The following SOX6 variants were observed in gnomAD, a reference collection of about 807,000 sequenced individuals.
The protein encoded by SOX6 is SRY-box transcription factor 6.
A neutral mutation model predicts 97.8 loss-of-function variants in SOX6; 11 were observed. The observed-to-expected ratio is 0.11, with a 90% CI of 0.07 to 0.19. SOX6 has a LOEUF of 0.19. Among genes scored for constraint, SOX6 ranks in the 10% least tolerant of loss-of-function variants. The pLI is 1.00. For synonymous variants in SOX6, 360 were observed against 371.4 expected (o/e 0.97, Z 0.35); for missense variants, 810 against 1,039.5 (o/e 0.78, Z 3.04).
chr11:16,419,078 C>T (rs1269208527), intron 1 of SOX6, among the ~76,000 whole-genome samples: 1 of 152,128 alleles, frequency 6.6e-6, no homozygotes, highest in Admixed American at 6.6e-5. Flanking sequence ...AAAATTTCTG[C>T]TATTTTAATA....
At chr11:16,220,705 T>G (rs1852512901) in intron 4 of SOX6, among the ~76,000 whole-genome samples, 1 of 152,112 alleles carries the variant, frequency 6.6e-6, no homozygotes, top group Admixed American at 6.6e-5. Flanking sequence ...ATCTTGTCAG[T>G]CACTTTACAA....
Position 16,355,448 on chromosome 11 carries a change from AAAT to A in SOX6, c.-5+643_-5+645del, listed in dbSNP as rs1182368775. Among the ~76,000 whole-genome samples the A allele has an allele frequency of 4.6e-5, 7 of 152,056 alleles. No homozygotes were observed. The East Asian group carries it at 1.3e-3, about 29-fold the overall frequency. ...AATTTAATTTACTATAGTTTTATAT[AAAT>A]AATACTTTCAATACATAGTTATAGC... On this transcript the variant is annotated intron_variant, in intron 1 of 15. Transcript: ENST00000683767.
intron 4 of SOX6, among the ~76,000 whole-genome samples, chr11:16,223,793 C>T (rs1444128435): frequency 2.6e-5 from 4 of 152,048 alleles, no homozygotes; most frequent in African/African-American, 9.7e-5. Flanking sequence ...TGCTAATGAC[C>T]TTCATTTTAC....
intron 3 of SOX6, among the ~76,000 whole-genome samples, chr11:16,647,866 C>T (rs1034439667): frequency 1.3e-5 from 2 of 152,186 alleles, no homozygotes; most frequent in Admixed American, 1.3e-4. Context: ...CAATCCCCAG[C>T]TTGAGCCCAG....
intron 4 of SOX6, among the ~76,000 whole-genome samples, chr11:16,591,528 G>A (rs1457620380): frequency 6.6e-6 from 1 of 152,032 alleles, no homozygotes; most frequent in African/African-American, 2.4e-5. Context: ...TTGAAAACAT[G>A]TTTGAAAATG....
chr11:16,593,385 A>AAC (rs1848175708), intron 4 of SOX6, among the ~76,000 whole-genome samples: 1 of 152,154 alleles, frequency 6.6e-6, no homozygotes, highest in Non-Finnish European at 1.5e-5. Context: ...GTCAGCTTTG[A>AAC]ACACAGCGTA....
In SOX6 at chr11:16,338,884, C is replaced by T. The variant is rs181254305; in HGVS notation, c.237+2128G>A. Among the ~76,000 whole-genome samples the T allele has an allele frequency of 9.9e-5, 15 of 151,980 alleles. No homozygotes were observed. In the East Asian group the frequency reaches 2.1e-3, roughly 22 times the overall value. On this transcript the variant is annotated intron_variant, in intron 2 of 15. Coordinates refer to ENST00000683767, the MANE Select transcript of SOX6 (RefSeq NM_001367873.1). ...ATCATAAAAGTTTGATAATAACCCA[C>T]CAAAGTAACTTGGCATTTATCAAGA...
intron 4 of SOX6, among the ~76,000 whole-genome samples, chr11:16,608,651 G>A (rs987472920): frequency 2.0e-5 from 3 of 151,774 alleles, no homozygotes; most frequent in Non-Finnish European, 4.4e-5. Flanking sequence ...ACATATGTAG[G>A]TGGCAGTGTT....
intron 15 of SOX6, among the ~76,000 whole-genome samples, chr11:15,979,731 G>A (rs1853606311): frequency 1.3e-5 from 2 of 151,952 alleles, no homozygotes; most frequent in Non-Finnish European, 2.9e-5. Flanking sequence ...ACATTTCCCA[G>A]ATATCTGCAC....
intron 3 of SOX6, among the ~76,000 whole-genome samples, chr11:16,635,415 C>T (rs1385612716): frequency 1.3e-5 from 2 of 152,188 alleles, no homozygotes; most frequent in Non-Finnish European, 2.9e-5. Context: ...TGGCATTTTG[C>T]CCCTGCCATA....
intron 6 of SOX6, among the ~76,000 whole-genome samples, chr11:16,123,479 A>G (rs992221957): frequency 6.6e-6 from 1 of 152,050 alleles, no homozygotes; most frequent in Admixed American, 6.6e-5. Context: ...GCAGGGAGAT[A>G]AAGTAAGGCA....
intron 3 of SOX6, among the ~76,000 whole-genome samples, chr11:16,622,835 A>G (rs1848564386): frequency 6.6e-6 from 1 of 152,078 alleles, no homozygotes; most frequent in Admixed American, 6.5e-5. Context: ...TGTTTAGGAA[A>G]TCTCCACACT....
At chr11:16,669,562 G>A (rs1046870341) in intron 3 of SOX6, among the ~76,000 whole-genome samples, 3 of 152,210 alleles carry the variant, frequency 2.0e-5, no homozygotes, top group Admixed American at 1.3e-4. Flanking sequence ...ATACCCGGCT[G>A]GGGCTATTGA....
chr11:16,671,133 G>T (rs1391125080), intron 3 of SOX6, among the ~76,000 whole-genome samples: 2 of 152,188 alleles, frequency 1.3e-5, no homozygotes, highest in Non-Finnish European at 2.9e-5. Context: ...ATCCAGAAAA[G>T]AAGTGTATTG....
intron 6 of SOX6, among the ~76,000 whole-genome samples, chr11:16,120,937 T>A (rs368743537): frequency 1.3e-5 from 2 of 151,980 alleles, no homozygotes; most frequent in East Asian, 3.9e-4. Context: ...CTCTATCAGG[T>A]CAACGGTACA....
chr11:16,178,871 A>T (rs1381917392), intron 6 of SOX6, among the ~76,000 whole-genome samples: 1 of 151,930 alleles, frequency 6.6e-6, no homozygotes, highest in Non-Finnish European at 1.5e-5. Context: ...TCAGCTTCTG[A>T]CTGTCCTCGG....
intron 1 of SOX6, among the ~76,000 whole-genome samples, chr11:16,374,404 A>T (rs959710333): frequency 2.0e-5 from 3 of 152,086 alleles, no homozygotes; most frequent in Admixed American, 6.6e-5. Flanking sequence ...ACCCTTCTGC[A>T]TTCTTCAGAT....
Position 16,636,365 on chromosome 11 carries a change from C to T in SOX6, n.430-24105G>A, listed in dbSNP as rs199686920. On this transcript the variant is annotated intron_variant and non_coding_transcript_variant, in intron 3 of 5. Coordinates refer to the SOX6 transcript ENST00000524520. ...ACTTGCATGGTGCCTGTAGCCTCTT[C>T]GTTTTGGTCAATTTCTCCCATTAGG... is the stretch of plus-strand genomic sequence containing the variant. 9.2e-5 allele frequency among the ~76,000 whole-genome samples: 14 copies of T among 152,276 alleles called. No individual in the cohort carries two copies. The East Asian group carries it at 2.3e-3, about 25-fold the overall frequency.
At chr11:16,595,840 G>A (rs1200546778) in intron 4 of SOX6, among the ~76,000 whole-genome samples, 1 of 152,036 alleles carries the variant, frequency 6.6e-6, no homozygotes, top group Non-Finnish European at 1.5e-5. Context: ...ATCCCCATTG[G>A]AAAGTTATCA....
Sources: gnomAD v4.1 joint callset for allele counts (sites outside exome capture counted in the v4.1 genomes callset) on GRCh38, gnomAD v4.1.1 for gene constraint, MANE v1.5 for transcripts, NCBI Gene and HGNC (gene_info 2026-07-23, HGNC 2026-07-21) for gene names.